RBFOX1: variants seen among roughly 807,000 people sequenced by gnomAD.
RBFOX1 encodes RNA binding protein fox-1 homolog 1.
Under a neutral mutation model 57.7 loss-of-function variants are expected in RBFOX1, and 8 were observed. The observed-to-expected ratio is 0.14, with a 90% CI of 0.08 to 0.25. The LOEUF is 0.25. Ranked by LOEUF, RBFOX1 falls within the 10% of genes least tolerant of loss-of-function variation. The pLI, the probability that RBFOX1 is intolerant of heterozygous loss-of-function variation, is 1.00. For synonymous variants in RBFOX1, 326 were observed against 222.4 expected (o/e 1.47, Z -4.15); for missense variants, 611 against 548.5 (o/e 1.11, Z -1.14).
intron 4 of RBFOX1, among the ~76,000 whole-genome samples, chr16:7,090,682 G>GT (rs151007605): frequency 0.039 from 5,987 of 152,184 alleles, 392 homozygotes; most frequent in African/African-American, 0.14. Context: ...CTGTACAGGG[G>GT]AAAGAAAGTT....
Position 6,199,335 on chromosome 16 carries a change from G to A in RBFOX1, c.-126-117660G>A, listed in dbSNP as rs1004777403. Among the ~76,000 whole-genome samples, 3 of 152,156 alleles carry A rather than the reference G, an allele frequency of 2.0e-5. No individual in the cohort carries two copies. In the East Asian group the frequency reaches 5.8e-4, roughly 29 times the overall value. On this transcript the variant is annotated intron_variant, in intron 1 of 15. Transcript: ENST00000550418. ...AATGCATGATTTCCCCTAATAGAAT[G>A]CCATTGTGGTCTACATCACATTTTC...
intron 1 of RBFOX1, among the ~76,000 whole-genome samples, chr16:6,047,843 A>G (rs1041371996): frequency 6.6e-6 from 1 of 152,126 alleles, no homozygotes; most frequent in Non-Finnish European, 1.5e-5. Context: ...TGCCTATTTT[A>G]TGCATGAAAA....
At position 6,922,274 on chromosome 16, in the gene RBFOX1, C is replaced by G. The variant is rs537847905; in HGVS notation, c.-15-129783C>G. Among the ~76,000 whole-genome samples, 78 of 152,098 alleles carry G rather than the reference C, an allele frequency of 5.1e-4. 2 individuals are homozygous for G. The highest frequency in any genetic ancestry group is 2.6e-4 in the Admixed American group (4 of 15,272). On this transcript the variant is annotated intron_variant, in intron 3 of 15. Transcript: ENST00000550418. Reference sequence around the variant, plus strand: ...CCTGAGCATCCTACATTGATATAAACTGTAACTTATTCAGATATTGGAAAG... The same window carrying G: ...CCTGAGCATCCTACATTGATATAAAGTGTAACTTATTCAGATATTGGAAAG...
intron 3 of RBFOX1, among the ~76,000 whole-genome samples, chr16:6,671,671 A>G (rs1000513941): frequency 7.9e-5 from 12 of 152,098 alleles, no homozygotes; most frequent in African/African-American, 2.7e-4. Context: ...ACGCCTTTGC[A>G]TCCTCATAGC....
chr16:7,086,897 CA>C (rs1233448867), intron 4 of RBFOX1, among the ~76,000 whole-genome samples: 5 of 152,302 alleles, frequency 3.3e-5, no homozygotes, highest in Admixed American at 2.6e-4. Flanking sequence ...TGAATTGGCA[CA>C]CAGGCTTCTG....
intron 3 of RBFOX1, among the ~76,000 whole-genome samples, chr16:6,759,671 C>G (rs1481146099): frequency 1.3e-5 from 2 of 152,008 alleles, no homozygotes; most frequent in Non-Finnish European, 2.9e-5. Context: ...TTCTCTTTGC[C>G]TTTTCTTAAA....
At chr16:7,428,370 A>C (rs1032128644) in intron 4 of RBFOX1, among the ~76,000 whole-genome samples, 3 of 128,370 alleles carry the variant, frequency 2.3e-5, no homozygotes, top group Non-Finnish European at 3.1e-5. Context: ...TCTGTTGCTC[A>C]GGCTGGAGTG....
At chr16:6,905,869 C>T (rs1402731598) in intron 3 of RBFOX1, among the ~76,000 whole-genome samples, 1 of 152,198 alleles carries the variant, frequency 6.6e-6, no homozygotes, top group African/African-American at 2.4e-5. Flanking sequence ...TGGCCCTCTG[C>T]TGATCCCTGG....
At position 6,438,113 on chromosome 16, in the gene RBFOX1, G is replaced by A. The variant is rs192255578; in HGVS notation, c.-64+121056G>A. Among the ~76,000 whole-genome samples, 26 of 152,296 alleles carry A rather than the reference G, an allele frequency of 1.7e-4. No homozygotes were observed. In the East Asian group the frequency reaches 4.1e-3, roughly 24 times the overall value. ...CTACTGATGTCTCATCAAAGACCTT[G>A]CTATTTATGCTGTCCATATCGGTGT... On this transcript the variant is annotated intron_variant, in intron 2 of 15. Transcript: ENST00000550418.
chr16:7,704,906 G>A (rs536903728), intron 14 of RBFOX1, among the ~76,000 whole-genome samples: 20 of 152,190 alleles, frequency 1.3e-4, no homozygotes, highest in Admixed American at 8.5e-4. Context: ...ATTTAGCCAC[G>A]TATGGTGATG....
intron 4 of RBFOX1, among the ~76,000 whole-genome samples, chr16:7,277,776 T>C (rs2095469191): frequency 1.3e-5 from 2 of 152,244 alleles, no homozygotes; most frequent in South Asian, 2.1e-4. Flanking sequence ...TAGTCCAGTA[T>C]AGAAAACAGG....
intron 1 of RBFOX1, among the ~76,000 whole-genome samples, chr16:6,309,165 A>G (rs1006139231): frequency 3.3e-5 from 5 of 152,178 alleles, no homozygotes; most frequent in African/African-American, 1.2e-4. Context: ...ATATAAACAA[A>G]CCTTGAAATT....
At chr16:5,887,655 C>G (rs943927073) in intron 4 of RBFOX1, among the ~76,000 whole-genome samples, 1 of 152,158 alleles carries the variant, frequency 6.6e-6, no homozygotes, top group Non-Finnish European at 1.5e-5. Context: ...CCACCCGCCT[C>G]AGCCTCTGAA....
rs576974365 is a variant in RBFOX1 at position 7,126,469 on chromosome 16, C to T, written c.27+74371C>T. 39 of 228,780 alleles carry T rather than the reference C, an allele frequency of 1.7e-4. No homozygotes were observed. The South Asian group carries it at 1.9e-3, about 11-fold the overall frequency. 14.2% of individuals were successfully genotyped at this position (228,780 alleles called of 1,614,324 possible). ...TTGGGAAGCACAAAGGCATCGAAGA[C>T]GCTTGCTTCAGAAACATCCCTGACT... On this transcript the variant is annotated intron_variant, in intron 4 of 15. Coordinates refer to ENST00000550418, the MANE Select transcript of RBFOX1 (RefSeq NM_018723.4).
chr16:7,378,175 G>C (rs565708166), intron 4 of RBFOX1, among the ~76,000 whole-genome samples: 10 of 152,292 alleles, frequency 6.6e-5, no homozygotes, highest in African/African-American at 2.2e-4. Flanking sequence ...GAGCTTTATC[G>C]TTGCTGAGCC....
Position 7,630,591 on chromosome 16 carries a change from T to C in RBFOX1, c.677-12T>C, listed in dbSNP as rs1313384566. 6.2e-7 allele frequency: 1 copy of C among 1,614,040 alleles called. No individual in the cohort carries two copies. Among genetic ancestry groups the C allele is most frequent in the South Asian group, 1.1e-5 (1 of 91,050 alleles). Reference sequence around the variant, plus strand: ...TCCCAAACCAGATACCATCTCTCTCTCTCTTTCGTAGGCACGGTCCTGTTG... The same window carrying C: ...TCCCAAACCAGATACCATCTCTCTCCCTCTTTCGTAGGCACGGTCCTGTTG... On this transcript the variant is annotated splice_polypyrimidine_tract_variant and intron_variant, in intron 10 of 15. Transcript: ENST00000550418.
At chr16:7,677,987 C>T (rs2073830434) in intron 14 of RBFOX1, among the ~76,000 whole-genome samples, 1 of 152,170 alleles carries the variant, frequency 6.6e-6, no homozygotes, top group African/African-American at 2.4e-5. Flanking sequence ...ATTGTAGCTA[C>T]AGAATTCTTG....
chr16:5,917,113 G>A (rs2058721176), intron 4 of RBFOX1, among the ~76,000 whole-genome samples: 2 of 152,074 alleles, frequency 1.3e-5, no homozygotes, highest in South Asian at 2.1e-4. Flanking sequence ...GAATTTGTGG[G>A]TCTGTTTTCC....
At chr16:6,930,898 C>T (rs987626292) in intron 3 of RBFOX1, among the ~76,000 whole-genome samples, 2 of 152,092 alleles carry the variant, frequency 1.3e-5, no homozygotes, top group East Asian at 1.9e-4. Context: ...TGCCCCCTCA[C>T]CATAGCCGAG....
Sources: allele counts gnomAD v4.1 joint callset (sites outside exome capture counted in the v4.1 genomes callset), GRCh38; gene constraint gnomAD v4.1.1; transcripts MANE v1.5; gene names NCBI Gene and HGNC (gene_info 2026-07-23, HGNC 2026-07-21).